TBCD: variants seen among roughly 807,000 people sequenced by gnomAD.
TBCD encodes tubulin-specific chaperone D.
Under a neutral mutation model 169.3 loss-of-function variants are expected in TBCD, and 105 were observed. The observed-to-expected ratio is 0.62, with a 90% confidence interval of 0.53 to 0.73. The LOEUF (loss-of-function observed/expected upper bound fraction) is 0.73, where lower values mean the gene tolerates loss of function less well. Ranked by LOEUF, TBCD falls within the 30% of genes least tolerant of loss-of-function variation. The pLI is 0.00. For synonymous variants in TBCD, 700 were observed against 643.9 expected (o/e 1.09, Z -1.32); for missense variants, 1,444 against 1,600.1 (o/e 0.90, Z 1.66).
chr17:82,930,650 G>A lies in TBCD; in HGVS notation c.3113+7G>A. ...ACAACCTTCTGAATGAGAGGTGAGT[G>A]GTGTCTCTTGGGGCCTCAGAGGCGT... On this transcript the variant is annotated splice_region_variant and intron_variant, in intron 33 of 38. Transcript: ENST00000355528. The surrounding 1 kb of genome is among the most constrained non-coding windows in gnomAD (Gnocchi z 5.2). 1.9e-6 allele frequency: 3 copies of A among 1,613,934 alleles called. No individual in the cohort carries two copies. Among genetic ancestry groups the A allele is most frequent in the East Asian group, 2.2e-5 (1 of 44,884 alleles).
intron 13 of TBCD, among the ~76,000 whole-genome samples, chr17:82,822,986 G>T (rs77240323): frequency 2.6e-5 from 4 of 152,214 alleles, no homozygotes; most frequent in Admixed American, 1.3e-4. Flanking sequence ...ATGGAAACCC[G>T]CAGAGGCTCC....
chr17:82,781,805 C>G, intron 7 of TBCD, 84 bp downstream of exon 7: 1 of 1,562,078 alleles, frequency 6.4e-7, no homozygotes, highest in Non-Finnish European at 8.7e-7. Flanking sequence ...ACCTGTGATT[C>G]CATCTTGACG....
At chr17:82,817,229 C>T (rs901643615) in intron 13 of TBCD, among the ~76,000 whole-genome samples, 1 of 151,564 alleles carries the variant, frequency 6.6e-6, no homozygotes, top group African/African-American at 2.4e-5. Flanking sequence ...CTCCTGGGCT[C>T]AAGCCATATT....
intron 26 of TBCD, 111 bp from the exon 27 acceptor site, chr17:82,924,828 G>A (rs771269292): frequency 1.6e-5 from 13 of 791,074 alleles, no homozygotes; most frequent in South Asian, 7.7e-5. Flanking sequence ...AACCTCAGGC[G>A]GCTCCTCCTT....
intron 1 of TBCD, 80 bp from the exon 2 acceptor site, chr17:82,756,085 C>G: frequency 7.7e-7 from 1 of 1,300,758 alleles, no homozygotes. Flanking sequence ...TGGAAGCTAG[C>G]AAGGGAAAAT....
chr17:82,837,036 G>T (rs546532038), intron 13 of TBCD, among the ~76,000 whole-genome samples: 55 of 152,292 alleles, frequency 3.6e-4, no homozygotes, highest in African/African-American at 1.1e-3. Context: ...CGACCTCTCA[G>T]GCTTGCACAA....
rs1382909941 is a variant in TBCD, at chr17:82,920,437, G to T, written c.2039-119G>T. ...TCCAGCCCTGGCAGCAGGGTAGGTTGGGCGGGTGAGGGGCAGGAGCTGGCC... is the reference window on the plus strand; with the variant it reads ...TCCAGCCCTGGCAGCAGGGTAGGTTTGGCGGGTGAGGGGCAGGAGCTGGCC... On this transcript the variant is annotated intron_variant, in intron 23 of 38. Transcript: ENST00000355528. The surrounding 1 kb of genome is among the most constrained non-coding windows in gnomAD (Gnocchi z 4.1). The T allele has an allele frequency of 5.0e-6, 4 of 805,494 alleles. No individual in the cohort carries two copies. In the African/African-American group the frequency reaches 5.2e-5, roughly 11 times the overall value. The allele number at this position is 805,494 out of a possible 1,614,324, so 49.9% of individuals were successfully genotyped here.
chr17:82,836,371 T>G (rs1001537893), intron 13 of TBCD, among the ~76,000 whole-genome samples: 7 of 152,248 alleles, frequency 4.6e-5, no homozygotes, highest in African/African-American at 1.7e-4. Flanking sequence ...AGCTGATGAT[T>G]TCATCACTAG....
chr17:82,882,877 G>C, intron 14 of TBCD, among the ~76,000 whole-genome samples: 1 of 152,260 alleles, frequency 6.6e-6, no homozygotes, highest in Middle Eastern at 3.4e-3. Flanking sequence ...TCACACACAC[G>C]CCCCGGAAGT....
Position 82,797,754 on chromosome 17 carries a change from TAGGCA to T in TBCD, c.772-2_774del. 1 of 1,559,496 alleles carries T rather than the reference TAGGCA, an allele frequency of 6.4e-7. No individual in the cohort carries two copies. Among genetic ancestry groups the T allele is most frequent in the Admixed American group, 2.0e-5 (1 of 50,030 alleles). ...CATTAAAAATCTTTTTTTTTTTTTTTAGGCACAAATATTTAAACATGGAAAACGTG... is the reference window on the plus strand; with the variant it reads ...CATTAAAAATCTTTTTTTTTTTTTTTCAAATATTTAAACATGGAAAACGTG... On this transcript the variant is annotated splice_acceptor_variant and coding_sequence_variant, in exon 8 of 39. Coordinates refer to ENST00000355528, the MANE Select transcript of TBCD (RefSeq NM_005993.5). LOFTEE classifies it high-confidence loss of function.
chr17:82,797,590 C>T (rs1331284919), intron 7 of TBCD, among the ~76,000 whole-genome samples, 167 bp from the exon 8 acceptor site: 1 of 152,066 alleles, frequency 6.6e-6, no homozygotes, highest in African/African-American at 2.4e-5. Flanking sequence ...TCACTAGTCT[C>T]TTATAATTAC....
At chr17:82,824,479 G>A (rs749882458) in intron 13 of TBCD, among the ~76,000 whole-genome samples, 2 of 151,674 alleles carry the variant, frequency 1.3e-5, no homozygotes, top group African/African-American at 2.4e-5. Context: ...CACCGCGCCC[G>A]ACCCATATAT....
chr17:82,876,399 TG>T (rs2057977080), intron 14 of TBCD, among the ~76,000 whole-genome samples: 1 of 152,156 alleles, frequency 6.6e-6, no homozygotes, highest in South Asian at 2.1e-4. Context: ...TTCCCGGGGA[TG>T]GTAGATGAAC....
chr17:82,827,367 G>C (rs1268378726), intron 13 of TBCD, among the ~76,000 whole-genome samples: 1 of 152,176 alleles, frequency 6.6e-6, no homozygotes, highest in Non-Finnish European at 1.5e-5. Flanking sequence ...TGCCTTTCTT[G>C]AAAAGTGAGA....
At position 82,831,593 on chromosome 17, in the gene TBCD, G is replaced by A. The variant is rs750092440; in HGVS notation, c.1318+16659G>A. 21 of 1,614,084 alleles carry A rather than the reference G, an allele frequency of 1.3e-5. No individual in the cohort carries two copies. The Admixed American group carries it at 3.0e-4, about 23-fold the overall frequency. ...GCCAGGTGCTTAGGGATCGGCCCCG[G>A]GTGAGGCAGGAAGTGTCTCGGGTCT... On this transcript the variant is annotated intron_variant, in intron 13 of 38. Transcript: ENST00000355528. The surrounding 1 kb of genome is among the most constrained non-coding windows in gnomAD (Gnocchi z 4.6).
chr17:82,771,920 T>C (rs1203275995), intron 5 of TBCD, among the ~76,000 whole-genome samples: 1 of 128,112 alleles, frequency 7.8e-6, no homozygotes, highest in Non-Finnish European at 1.7e-5. Context: ...CAAGACTCCG[T>C]CTCAAAAAAA....
At chr17:82,860,495 G>T in intron 13 of TBCD, 3 of 948,872 alleles carry the variant, frequency 3.2e-6, no homozygotes, top group Non-Finnish European at 3.8e-6. Flanking sequence ...TCCTGAGGCT[G>T]ATTAATTTGC....
At position 82,835,622 on chromosome 17, in the gene TBCD, AC is replaced by A. The variant is rs1280965706; in HGVS notation, c.1318+20689del. On this transcript the variant is annotated intron_variant, in intron 13 of 38. Transcript: ENST00000355528. The surrounding 1 kb of genome is among the most constrained non-coding windows in gnomAD (Gnocchi z 4.5). Reference sequence around the variant, plus strand: ...GTAATTTTAGTAGAGATGGGGTTTCACTATGTTGGCCCGGCTGGTCTTGAAC... The same window carrying A: ...GTAATTTTAGTAGAGATGGGGTTTCATATGTTGGCCCGGCTGGTCTTGAAC... Among the ~76,000 whole-genome samples, 1 of 151,860 alleles carries A rather than the reference AC, an allele frequency of 6.6e-6. No homozygotes were observed. The highest frequency in any genetic ancestry group is 1.9e-4 in the East Asian group (1 of 5,170).
intron 13 of TBCD, among the ~76,000 whole-genome samples, chr17:82,856,433 C>T (rs1016015052): frequency 2.6e-5 from 4 of 151,704 alleles, no homozygotes; most frequent in African/African-American, 7.3e-5. Context: ...ATGGTGAGAC[C>T]CTGTCTCTAC....
Sources: allele counts gnomAD v4.1 joint callset (sites outside exome capture counted in the v4.1 genomes callset), GRCh38; gene constraint gnomAD v4.1.1; non-coding constraint Gnocchi (gnomAD v3.1); transcripts MANE v1.5; gene names NCBI Gene and HGNC (gene_info 2026-07-23, HGNC 2026-07-21).